GAS6: variants seen among roughly 807,000 people sequenced by gnomAD.
GAS6 encodes growth arrest-specific protein 6.
Under a neutral mutation model 75.8 loss-of-function variants are expected in GAS6, and 41 were observed. The observed-to-expected ratio is 0.54, with a 90% CI of 0.42 to 0.70. The LOEUF (loss-of-function observed/expected upper bound fraction) is 0.70, where lower values mean the gene tolerates loss of function less well. GAS6 is among the 30% of genes least tolerant of loss of function. The pLI, the probability that GAS6 is intolerant of heterozygous loss-of-function variation, is 0.00. For missense variants in GAS6, 854 were observed against 940.2 expected (o/e 0.91, Z 1.20); for synonymous variants, 432 against 412.6 (o/e 1.05, Z -0.57).
chr13:113,834,053 C>A (rs1177354394), intron 8 of GAS6, among the ~76,000 whole-genome samples: 1 of 129,038 alleles, frequency 7.7e-6, no homozygotes, highest in Admixed American at 8.1e-5. Context: ...TGTGATAGGC[C>A]CCGGTGTGAC....
Position 113,826,432 on chromosome 13 carries a change from A to G in GAS6, c.1477+564T>C, listed in dbSNP as rs1343617805. ...CCCGGCCTCCCGGCGCTGGCCTCGC[A>G]GGCACCTTCTCTCCCCAGCCTCCCG... On this transcript the variant is annotated intron_variant, in intron 12 of 14. Transcript: ENST00000327773. Among the ~76,000 whole-genome samples the G allele has an allele frequency of 3.9e-3, 469 of 120,290 alleles. 19 individuals are homozygous for G. Among genetic ancestry groups the G allele is most frequent in the African/African-American group, 0.015 (447 of 29,252 alleles). 78.9% of individuals were successfully genotyped at this position (120,290 alleles called of 152,430 possible).
chr13:113,823,877 C>T (rs987162702), intron 12 of GAS6, among the ~76,000 whole-genome samples: 9 of 144,534 alleles, frequency 6.2e-5, no homozygotes, highest in African/African-American at 8.7e-5. Flanking sequence ...TGCCTCCCTC[C>T]GATGTCCTCT....
At chr13:113,828,516 G>A (rs758162127) in intron 11 of GAS6, 31 bp downstream of exon 11, 103 of 1,591,492 alleles carry the variant, frequency 6.5e-5, no homozygotes, top group Non-Finnish European at 7.1e-5. Context: ...AGCACACGGC[G>A]CGTCTACACA....
At chr13:113,830,823 G>A (rs1330529556) in intron 10 of GAS6, among the ~76,000 whole-genome samples, 2 of 151,498 alleles carry the variant, frequency 1.3e-5, no homozygotes, top group African/African-American at 2.4e-5. Flanking sequence ...TCCCCCAGGC[G>A]ACCTCGCCTC....
At chr13:113,826,421 G>GCCAGC (rs1566354473) in intron 12 of GAS6, among the ~76,000 whole-genome samples, 24 of 74,796 alleles carry the variant, frequency 3.2e-4, no homozygotes, top group Middle Eastern at 7.5e-3. Context: ...GCCTCCCGGC[G>GCCAGC]CTGGCCTCGC....
intron 6 of GAS6, among the ~76,000 whole-genome samples, chr13:113,836,743 G>A (rs1473499682): frequency 7.3e-4 from 1 of 1,362 alleles, no homozygotes; most frequent in East Asian, 0.017. Flanking sequence ...GAGGAGGAGG[G>A]GGAGGAAGAA....
At chr13:113,826,227 GT>G (rs2138618038) in intron 12 of GAS6, among the ~76,000 whole-genome samples, 1 of 152,344 alleles carries the variant, frequency 6.6e-6, no homozygotes, top group Non-Finnish European at 1.5e-5. Flanking sequence ...CTTCACGGCT[GT>G]TTTTACACAC....
intron 6 of GAS6, chr13:113,835,875 G>T: frequency 7.4e-7 from 1 of 1,343,912 alleles, no homozygotes; most frequent in Non-Finnish European, 9.5e-7. Context: ...AGCAGGTGGA[G>T]AGCTGGGAAG....
rs1411167614 is a variant in GAS6 at position 113,835,522 on chromosome 13, C to T, written c.703G>A (p.Ala235Thr). 6.2e-7 allele frequency: 1 copy of T among 1,612,492 alleles called. No homozygotes were observed. Among genetic ancestry groups the T allele is most frequent in the Non-Finnish European group, 8.5e-7 (1 of 1,179,782 alleles). The change falls in exon 7 of 15, where the codon GCT (alanine) becomes ACT (threonine). Residue 235 changes from alanine to threonine, a missense_variant. Ala to Thr is a moderately conservative substitution (Grantham distance 58). Coordinates refer to ENST00000327773, the MANE Select transcript of GAS6 (RefSeq NM_000820.4). ...CGCGTGGCGTGGGTACCTCGGCAAGCCTTCTCCTGGGAGCTGTACGCAAAG... is the reference window on the plus strand; with the variant it reads ...CGCGTGGCGTGGGTACCTCGGCAAGTCTTCTCCTGGGAGCTGTACGCAAAG... Reference protein sequence around the residue: ...EGFAYSSQEKACRDVDECLQG... With the variant: ...EGFAYSSQEKTCRDVDECLQG...
Position 113,834,658 on chromosome 13 carries a change from G to T in GAS6, c.727C>A (p.Leu243Met). The change falls in exon 8 of 15, where the codon CTG becomes ATG. Residue 243 changes from leucine (L) to methionine (M), a missense_variant. Physicochemically the swap from Leu to Met is conservative, Grantham distance 15 (BLOSUM62 2). Coordinates refer to ENST00000327773, the MANE Select transcript of GAS6 (RefSeq NM_000820.4). ...CAGACCTGCTCACAGCGGCCCTGCA[G>T]ACACTCGTCCACATCTGCCAGCCAG... The part of the protein sequence containing the change: ...EKACRDVDEC[L>M]QGRCEQVCVN... 6.3e-7 allele frequency: 1 copy of T among 1,588,522 alleles called. No homozygotes were observed. Among genetic ancestry groups the T allele is most frequent in the Non-Finnish European group, 8.6e-7 (1 of 1,166,146 alleles).
At chr13:113,832,565 G>A in intron 9 of GAS6, 69 bp downstream of exon 9, 3 of 1,603,696 alleles carry the variant, frequency 1.9e-6, no homozygotes, top group Non-Finnish European at 2.6e-6. Context: ...CCGAACCCTG[G>A]CCCGGGCCCT....
chr13:113,836,170 G>C, intron 6 of GAS6: 1 of 497,526 alleles, frequency 2.0e-6, no homozygotes, highest in Non-Finnish European at 2.4e-6. Flanking sequence ...TTAGTCACCA[G>C]AGGAGAGCAA....
intron 8 of GAS6, chr13:113,832,973 G>C: frequency 2.1e-6 from 3 of 1,426,774 alleles, no homozygotes; most frequent in Non-Finnish European, 2.8e-6. Context: ...AGGGCTTCTC[G>C]GGGGTCCCCG....
Position 113,863,058 on chromosome 13 carries a change from ACGGGGCCGCGGAGC to A in GAS6, c.255+503_255+516del, listed in dbSNP as rs1257232156. ...TGCCTCCAGGAGAGCACCTGGCAGA[ACGGGGCCGCGGAGC>A]CGCCCTCCCCTCCCGCATGCGGCCC... On this transcript the variant is annotated intron_variant, in intron 2 of 14. Coordinates refer to ENST00000327773, the MANE Select transcript of GAS6 (RefSeq NM_000820.4). This position sits in a 1 kb window ranked among gnomAD's most constrained non-coding sequence, Gnocchi z 9.4. Among the ~76,000 whole-genome samples the A allele has an allele frequency of 3.3e-5, 5 of 152,236 alleles. No homozygotes were observed. The highest frequency in any genetic ancestry group is 2.0e-4 in the Admixed American group (3 of 15,304).
At chr13:113,833,779 T>C (rs1386208211) in intron 8 of GAS6, 1 of 988,686 alleles carries the variant, frequency 1.0e-6, no homozygotes, top group East Asian at 1.3e-4. Flanking sequence ...GAGACACTGG[T>C]GTGACAAGTC....
chr13:113,862,139 G>A (rs75412828), intron 2 of GAS6, among the ~76,000 whole-genome samples: 2,558 of 152,326 alleles, frequency 0.017, 72 homozygotes, highest in African/African-American at 0.058. Flanking sequence ...GACTGACTTG[G>A]GAAGAACAGC....
chr13:113,824,940 C>A (rs7399615), intron 12 of GAS6, among the ~76,000 whole-genome samples: 2 of 152,002 alleles, frequency 1.3e-5, no homozygotes, highest in Non-Finnish European at 2.9e-5. Context: ...AGCTCCCAGT[C>A]GGGCGTGGTG....
intron 4 of GAS6, among the ~76,000 whole-genome samples, 181 bp downstream of exon 4, chr13:113,846,346 T>C (rs550578232): frequency 5.3e-5 from 8 of 152,326 alleles, no homozygotes; most frequent in African/African-American, 1.9e-4. Flanking sequence ...TGCCTATTGC[T>C]AAAAACGTCA....
intron 14 of GAS6, 67 bp from the exon 15 acceptor site, chr13:113,821,085 C>T (rs1594185086): frequency 9.0e-6 from 14 of 1,551,036 alleles, no homozygotes; most frequent in East Asian, 2.3e-5. Context: ...GGCCCCCCCA[C>T]CCCCGGCAGC....
Sources: gnomAD v4.1 joint callset for allele counts (sites outside exome capture counted in the v4.1 genomes callset) on GRCh38, gnomAD v4.1.1 for gene constraint, Gnocchi (gnomAD v3.1) non-coding constraint, MANE v1.5 for transcripts, NCBI Gene and HGNC (gene_info 2026-07-23, HGNC 2026-07-21) for gene names.